The following TRPC5 variants were observed in gnomAD, a reference collection of about 807,000 sequenced individuals.
The protein encoded by TRPC5 is transient receptor potential cation channel subfamily C member 5.
A neutral mutation model predicts 56.5 loss-of-function variants in TRPC5; 9 were observed. The observed-to-expected ratio is 0.16, with a 90% CI of 0.10 to 0.28. TRPC5 has a LOEUF of 0.28. Among genes scored for constraint, TRPC5 ranks in the 10% least tolerant of loss-of-function variants. TRPC5 has a pLI of 1.00. For missense variants in TRPC5, 469 were observed against 748.9 expected (o/e 0.63, Z 4.36); for synonymous variants, 282 against 278.5 (o/e 1.01, Z -0.13).
At chrX:111,882,995 A>G (rs1924298892) in intron 3 of TRPC5, among the ~76,000 whole-genome samples, 1 of 108,951 alleles carries the variant, frequency 9.2e-6, no homozygotes, top group African/African-American at 3.4e-5. Context: ...CTGAGGCAGG[A>G]GAATCGCTTG....
intron 3 of TRPC5, among the ~76,000 whole-genome samples, chrX:111,862,116 T>C (rs1923422283): frequency 8.9e-6 from 1 of 112,090 alleles, no homozygotes; most frequent in African/African-American, 3.2e-5. Flanking sequence ...GTTTGTACAA[T>C]GAAGACAACT....
intron 1 of TRPC5, among the ~76,000 whole-genome samples, chrX:112,055,974 T>C (rs1359168535): frequency 9.1e-6 from 1 of 109,645 alleles, no homozygotes; most frequent in African/African-American, 3.3e-5. Context: ...ATTTCAGGAG[T>C]GGGAGAGGAT....
chrX:111,930,853 G>A (rs1056127649), intron 2 of TRPC5: 3 of 111,984 alleles, frequency 2.7e-5, no homozygotes, highest in African/African-American at 9.8e-5. Flanking sequence ...ATCACCTGGT[G>A]CTCTCGGCAG....
intron 7 of TRPC5, among the ~76,000 whole-genome samples, chrX:111,804,165 G>A (rs1471347499): frequency 8.9e-6 from 1 of 111,818 alleles, no homozygotes; most frequent in African/African-American, 3.3e-5. Context: ...GGTTGTAGAT[G>A]TGTGGTGTTA....
At chrX:111,956,695 A>G (rs946319235) in intron 1 of TRPC5, among the ~76,000 whole-genome samples, 5 of 111,365 alleles carry the variant, frequency 4.5e-5, no homozygotes, top group Non-Finnish European at 7.5e-5. Flanking sequence ...ATTTTAATGT[A>G]GTGACACTAT....
chrX:111,927,911 C>T (rs1165908922), intron 2 of TRPC5, among the ~76,000 whole-genome samples: 3 of 107,838 alleles, frequency 2.8e-5, no homozygotes, highest in African/African-American at 1.0e-4. Context: ...TATTCAGGAT[C>T]TTTCTGCTTG....
chrX:112,069,611 T>A (rs1332297046), intron 1 of TRPC5, among the ~76,000 whole-genome samples: 1 of 112,322 alleles, frequency 8.9e-6, no homozygotes, highest in Admixed American at 9.4e-5. Flanking sequence ...TTAGGAAAAC[T>A]TGTTCCATTT....
intron 1 of TRPC5, among the ~76,000 whole-genome samples, chrX:112,080,783 A>G (rs888594551): frequency 8.0e-5 from 9 of 112,094 alleles, no homozygotes; most frequent in African/African-American, 2.9e-4. Flanking sequence ...CAAAAAACCT[A>G]TGACACCAAC....
intron 6 of TRPC5, among the ~76,000 whole-genome samples, chrX:111,836,651 T>A (rs1922571216): frequency 8.9e-6 from 1 of 112,304 alleles, no homozygotes; most frequent in South Asian, 3.7e-4. Flanking sequence ...AAAATTATAT[T>A]AGGTAATTTT....
intron 3 of TRPC5, among the ~76,000 whole-genome samples, chrX:111,873,675 T>A (rs1036768685): frequency 9.1e-6 from 1 of 110,331 alleles, no homozygotes; most frequent in East Asian, 2.8e-4. Flanking sequence ...TCCCAGCTAC[T>A]AGGGAGGCTG....
chrX:111,868,816 A>C (rs930215223), intron 3 of TRPC5, among the ~76,000 whole-genome samples: 7 of 111,890 alleles, frequency 6.3e-5, no homozygotes, highest in Non-Finnish European at 1.1e-4. Flanking sequence ...AAGTCTACTG[A>C]TCTTTTAAGA....
chrX:111,804,912 A>G lies in TRPC5; in HGVS notation c.1897-22774T>C, dbSNP rs919849502. ...TTGAATACGAGTGGTGAAAGAGGGC[A>G]TCCTTGTCTTGTGCCAGTTTTCAAA... On this transcript the variant is annotated intron_variant, in intron 7 of 10. Transcript: ENST00000262839. Among the ~76,000 whole-genome samples the G allele has an allele frequency of 6.2e-5, 7 of 112,173 alleles. No homozygotes were observed. The South Asian group carries it at 2.6e-3, about 42-fold the overall frequency.
intron 1 of TRPC5, among the ~76,000 whole-genome samples, chrX:112,028,299 A>C (rs764177501): frequency 9.0e-5 from 10 of 111,099 alleles, no homozygotes; most frequent in Admixed American, 1.9e-4. Flanking sequence ...ATTATGCTTT[A>C]AGTTCTAGGG....
chrX:111,960,618 A>T (rs1927353392), intron 1 of TRPC5, among the ~76,000 whole-genome samples: 1 of 110,942 alleles, frequency 9.0e-6, no homozygotes, highest in African/African-American at 3.3e-5. Flanking sequence ...AAAGTCTTGC[A>T]TTTCATTACT....
chrX:112,020,190 G>A (rs771653547), intron 1 of TRPC5, among the ~76,000 whole-genome samples: 1 of 111,818 alleles, frequency 8.9e-6, no homozygotes, highest in East Asian at 2.8e-4. Flanking sequence ...ACCATGCCCA[G>A]CAATGCTAGT....
At chrX:111,877,594 C>T (rs1224250195) in intron 3 of TRPC5, among the ~76,000 whole-genome samples, 1 of 111,259 alleles carries the variant, frequency 9.0e-6, no homozygotes, top group African/African-American at 3.3e-5. Context: ...GAGTCAGAGG[C>T]ACAGCTTGGG....
intron 1 of TRPC5, among the ~76,000 whole-genome samples, chrX:111,978,930 A>T (rs1928004450): frequency 9.0e-6 from 1 of 111,616 alleles, no homozygotes; most frequent in Non-Finnish European, 1.9e-5. Context: ...CTAACATCAT[A>T]CTTCATTATG....
chrX:111,937,629 C>T (rs1317771424), intron 2 of TRPC5, among the ~76,000 whole-genome samples: 1 of 106,590 alleles, frequency 9.4e-6, no homozygotes, highest in African/African-American at 3.5e-5. Flanking sequence ...TTGTTTTTCT[C>T]AGGTTTGTCA....
chrX:111,956,271 C>T (rs944822868), intron 1 of TRPC5, among the ~76,000 whole-genome samples: 1 of 111,886 alleles, frequency 8.9e-6, no homozygotes, highest in African/African-American at 3.2e-5. Context: ...ATGGCTTGCA[C>T]CACGTGTCAT....
Sources: gnomAD v4.1 joint callset for allele counts (sites outside exome capture counted in the v4.1 genomes callset) on GRCh38, gnomAD v4.1.1 for gene constraint, MANE v1.5 for transcripts, NCBI Gene and HGNC (gene_info 2026-07-23, HGNC 2026-07-21) for gene names.